Variants in SLC35F4 observed in about 807,000 individuals in gnomAD.
The protein encoded by SLC35F4 is solute carrier family 35 member F4, also known as chromosome 14 open reading frame 36.
In SLC35F4, 24 loss-of-function variants were observed where a neutral mutation model predicts 44.2. The ratio of observed to expected loss-of-function variants is 0.54; its 90% CI spans 0.39 to 0.76. The LOEUF is 0.76. Ranked by LOEUF, SLC35F4 falls within the 30% of genes least tolerant of loss-of-function variation. SLC35F4 has a pLI of 0.00. For missense variants in SLC35F4, 562 were observed against 586.1 expected, an observed-to-expected ratio of 0.96 and a Z score of 0.42; for synonymous variants, 238 against 223.6, an observed-to-expected ratio of 1.06 and a Z score of -0.57.
intron 1 of SLC35F4, among the ~76,000 whole-genome samples, chr14:57,643,153 AAAAAT>A (rs2073327537): frequency 1.3e-5 from 2 of 152,050 alleles, no homozygotes; most frequent in African/African-American, 2.4e-5. Context: ...TTCAGAAAAA[AAAAAT>A]AAAACACTTA....
chr14:57,904,129 A>G (rs757228981), intron 1 of SLC35F4, among the ~76,000 whole-genome samples: 30 of 152,254 alleles, frequency 2.0e-4, no homozygotes, highest in Non-Finnish European at 3.4e-4. Context: ...AATTTGTCAC[A>G]CTGATAGATC....
intron 1 of SLC35F4, among the ~76,000 whole-genome samples, chr14:57,881,415 A>T (rs1026084176): frequency 3.0e-4 from 46 of 152,186 alleles, no homozygotes; most frequent in Non-Finnish European, 5.9e-5. Flanking sequence ...AAATAAGTGA[A>T]GTATTCCACA....
intron 1 of SLC35F4, among the ~76,000 whole-genome samples, chr14:57,836,442 G>A (rs377401209): frequency 2.4e-4 from 37 of 152,074 alleles, no homozygotes; most frequent in African/African-American, 7.7e-4. Context: ...ACAGGCATGC[G>A]CCATCACATC....
At chr14:57,810,013 G>A (rs1212275245) in intron 1 of SLC35F4, among the ~76,000 whole-genome samples, 1 of 152,132 alleles carries the variant, frequency 6.6e-6, no homozygotes, top group Admixed American at 6.5e-5. Flanking sequence ...TCATGCTTAG[G>A]TAAAAGAACG....
chr14:57,745,894 C>T (rs2076740830), intron 1 of SLC35F4, among the ~76,000 whole-genome samples: 1 of 152,136 alleles, frequency 6.6e-6, no homozygotes, highest in Non-Finnish European at 1.5e-5. Flanking sequence ...CCATGGAATA[C>T]TATGCAGCCA....
At chr14:57,875,301 T>C (rs1888376675) in intron 1 of SLC35F4, among the ~76,000 whole-genome samples, 1 of 152,220 alleles carries the variant, frequency 6.6e-6, no homozygotes, top group Non-Finnish European at 1.5e-5. Flanking sequence ...TTTCCTTCCT[T>C]TCTTCATCCT....
intron 1 of SLC35F4, among the ~76,000 whole-genome samples, chr14:57,600,099 A>T (rs2070726800): frequency 6.6e-6 from 1 of 152,166 alleles, no homozygotes; most frequent in Non-Finnish European, 1.5e-5. Flanking sequence ...CAATGCTATG[A>T]TCACAAAGTC....
chr14:57,694,619 G>C (rs1343483493), intron 1 of SLC35F4, among the ~76,000 whole-genome samples: 3 of 152,088 alleles, frequency 2.0e-5, no homozygotes, highest in Non-Finnish European at 4.4e-5. Context: ...CTATCCCTCA[G>C]TTTGGGGAAA....
chr14:57,925,511 G>A (rs776325995), intron 1 of SLC35F4, among the ~76,000 whole-genome samples: 5,033 of 54,182 alleles, frequency 0.093, 214 homozygotes, highest in Middle Eastern at 0.13. Flanking sequence ...GGGAGGGAGG[G>A]AGGGAGGGAG....
chr14:57,766,189 T>G (rs1462784335), intron 1 of SLC35F4, among the ~76,000 whole-genome samples: 1 of 152,238 alleles, frequency 6.6e-6, no homozygotes, highest in Non-Finnish European at 1.5e-5. Flanking sequence ...GCTGTACCTC[T>G]TTATTCAGAA....
chr14:57,582,520 A>G (rs185594599), intron 3 of SLC35F4, among the ~76,000 whole-genome samples: 70 of 152,308 alleles, frequency 4.6e-4, no homozygotes, highest in African/African-American at 1.6e-3. Flanking sequence ...CCATTTTAAT[A>G]AAAATGTTCA....
At chr14:57,578,069 G>C (rs2068924317) in intron 4 of SLC35F4, among the ~76,000 whole-genome samples, 1 of 150,460 alleles carries the variant, frequency 6.6e-6, no homozygotes, top group Non-Finnish European at 1.5e-5. Context: ...TGGCCTACTT[G>C]TGGTCCGGAT....
intron 1 of SLC35F4, among the ~76,000 whole-genome samples, chr14:57,662,748 C>T (rs866003521): frequency 1.3e-5 from 2 of 152,202 alleles, no homozygotes; most frequent in South Asian, 2.1e-4. Flanking sequence ...TAAGAGTTTG[C>T]AAGGTGTGCT....
chr14:57,635,257 AAAAAAC>A (rs1339871420), intron 1 of SLC35F4, among the ~76,000 whole-genome samples: 5 of 151,934 alleles, frequency 3.3e-5, no homozygotes, highest in Non-Finnish European at 7.4e-5. Flanking sequence ...AAAAAAAAAA[AAAAAAC>A]CCCAAATATC....
chr14:57,802,261 C>G (rs564551608), intron 1 of SLC35F4, among the ~76,000 whole-genome samples: 2 of 152,068 alleles, frequency 1.3e-5, no homozygotes, highest in South Asian at 4.2e-4. Context: ...AGGCAGAAAT[C>G]AAGAAGTTCT....
chr14:57,719,578 G>T (rs2076030371), intron 1 of SLC35F4, among the ~76,000 whole-genome samples: 1 of 108,526 alleles, frequency 9.2e-6, no homozygotes, highest in Non-Finnish European at 2.0e-5. Flanking sequence ...TTCTATTTGT[G>T]GCTATTTTTC....
At chr14:57,572,157 G>A (rs970178838) in intron 4 of SLC35F4, 138 bp from the exon 5 acceptor site, 1 of 954,392 alleles carries the variant, frequency 1.0e-6, no homozygotes, top group Non-Finnish European at 1.5e-6. Flanking sequence ...AATGTAGGAA[G>A]GCTCAGTATT....
intron 1 of SLC35F4, among the ~76,000 whole-genome samples, chr14:57,787,267 T>C (rs959086851): frequency 6.6e-6 from 1 of 152,114 alleles, no homozygotes; most frequent in African/African-American, 2.4e-5. Flanking sequence ...GGGATTATGT[T>C]AAACGACCAA....
upstream of SLC35F4, among the ~76,000 whole-genome samples, chr14:57,866,681 T>C (rs1888170010): frequency 6.6e-6 from 1 of 152,154 alleles, no homozygotes; most frequent in Non-Finnish European, 1.5e-5. Flanking sequence ...ATTTTTCCAA[T>C]TTCAAATGCT....
Sources: gnomAD v4.1 joint callset for allele counts (sites outside exome capture counted in the v4.1 genomes callset) on GRCh38, gnomAD v4.1.1 for gene constraint, MANE v1.5 for transcripts, NCBI Gene and HGNC (gene_info 2026-07-23, HGNC 2026-07-21) for gene names.